SLC16A1: variants seen among roughly 807,000 people sequenced by gnomAD.
The protein encoded by SLC16A1 is solute carrier family 16 member 1.
A neutral mutation model predicts 32.2 loss-of-function variants in SLC16A1; 11 were observed. That is an observed-to-expected ratio of 0.34 (90% CI 0.21 to 0.56). The LOEUF is 0.56. Among genes scored for constraint, SLC16A1 ranks in the 20% least tolerant of loss-of-function variants. The pLI is 0.87. For missense variants in SLC16A1, 435 were observed against 615.0 expected, an observed-to-expected ratio of 0.71 and a Z score of 3.10; for synonymous variants, 231 against 226.8, an observed-to-expected ratio of 1.02 and a Z score of -0.17.
intron 1 of SLC16A1, among the ~76,000 whole-genome samples, chr1:112,944,287 C>CA (rs374771595): frequency 2.1e-3 from 321 of 152,076 alleles, no homozygotes; most frequent in African/African-American, 7.4e-3. Flanking sequence ...CCTGTCTCTA[C>CA]AAAAAATACA....
At chr1:112,949,344 C>T (rs1463986525) in intron 1 of SLC16A1, among the ~76,000 whole-genome samples, 1 of 152,008 alleles carries the variant, frequency 6.6e-6, no homozygotes, top group Non-Finnish European at 1.5e-5. Context: ...CCACTGTGCC[C>T]GGCCTCAAAG....
chr1:112,915,714 G>A (rs1285264812), intron 4 of SLC16A1, among the ~76,000 whole-genome samples: 5 of 152,054 alleles, frequency 3.3e-5, no homozygotes, highest in Non-Finnish European at 5.9e-5. Flanking sequence ...ATGGGCAGAT[G>A]AGAACAAGAT....
chr1:112,924,280 T>C (rs1648853997), intron 2 of SLC16A1: 1 of 1,449,600 alleles, frequency 6.9e-7, no homozygotes, highest in Non-Finnish European at 9.7e-7. Flanking sequence ...GAGCCAGATG[T>C]TGTGGAGGCC....
chr1:112,913,801 T>C lies in SLC16A1; in HGVS notation c.*90A>G. ...TCCACACAAATGTCTACTATTTGCATTGAGCACCACTGGTAGATTACAGGC... is the reference window on the plus strand; with the variant it reads ...TCCACACAAATGTCTACTATTTGCACTGAGCACCACTGGTAGATTACAGGC... On this transcript the variant is annotated 3_prime_UTR_variant, in exon 5 of 5. Coordinates refer to ENST00000369626, the MANE Select transcript of SLC16A1 (RefSeq NM_003051.4). The C allele has an allele frequency of 1.4e-6, 2 of 1,472,806 alleles. No individual in the cohort carries two copies. The highest frequency in any genetic ancestry group is 1.4e-5 in the African/African-American group (1 of 71,992). 91.2% of individuals were successfully genotyped at this position (1,472,806 alleles called of 1,614,324 possible). A position where few individuals can be genotyped will look rare whatever the true frequency, so the allele number is the denominator to read the frequency against.
intron 1 of SLC16A1, among the ~76,000 whole-genome samples, chr1:112,941,543 A>G (rs1366523960): frequency 3.9e-5 from 6 of 152,186 alleles, no homozygotes; most frequent in Admixed American, 6.5e-5. Flanking sequence ...TTGGCCTCCC[A>G]AAGTGCTGGG....
At chr1:112,924,907 T>C (rs1648884533) in intron 2 of SLC16A1, among the ~76,000 whole-genome samples, 1 of 152,072 alleles carries the variant, frequency 6.6e-6, no homozygotes, top group Admixed American at 6.6e-5. Context: ...CACCCAAATA[T>C]ATCCTTCAGA....
At chr1:112,934,406 G>A (rs1649230322) in intron 1 of SLC16A1, among the ~76,000 whole-genome samples, 1 of 152,198 alleles carries the variant, frequency 6.6e-6, no homozygotes, top group Admixed American at 6.5e-5. Context: ...TTGGGGAGAG[G>A]AGACTGACTG....
rs770356494 is a variant in SLC16A1 at position 112,929,352 on chromosome 1, T to C, written c.-44A>G. 1.3e-6 allele frequency: 2 copies of C among 1,497,126 alleles called. No individual in the cohort carries two copies. The highest frequency in any genetic ancestry group is 1.9e-6 in the Non-Finnish European group (2 of 1,077,282). 92.7% of individuals were successfully genotyped at this position (1,497,126 alleles called of 1,614,324 possible). ...CCAAAATGCAGGTCAAATCCAAATA[T>C]CTGAAAGACATAAAATTAAAATAGT... On this transcript the variant is annotated splice_region_variant and 5_prime_UTR_variant, in exon 2 of 5. Coordinates refer to ENST00000369626, the MANE Select transcript of SLC16A1 (RefSeq NM_003051.4).
chr1:112,935,242 C>T (rs1256861920), intron 1 of SLC16A1, among the ~76,000 whole-genome samples: 4 of 151,630 alleles, frequency 2.6e-5, no homozygotes, highest in African/African-American at 7.3e-5. Flanking sequence ...TGGTGAAACC[C>T]CATCTCTACT....
intron 2 of SLC16A1, among the ~76,000 whole-genome samples, chr1:112,925,793 T>A (rs1648918660): frequency 6.6e-6 from 1 of 152,220 alleles, no homozygotes; most frequent in South Asian, 2.1e-4. Flanking sequence ...TAAAAACACA[T>A]ATTGAATGTA....
Position 112,917,593 on chromosome 1 carries a change from C to T in SLC16A1, c.813G>A (p.Val271=). ...GTGCAAAGAGTCCAAAAAACATGAT[C>T]ACATTTCCAGAGAGGTATAGCAAAA... ...RGFLLYLSGN[V]IMFFGLFAPL... Residue 271 remains valine (V), a synonymous_variant, in exon 4 of 5, where the codon GTG becomes GTA. Coordinates refer to ENST00000369626, the MANE Select transcript of SLC16A1 (RefSeq NM_003051.4). The surrounding 1 kb of genome is among the most constrained non-coding windows in gnomAD (Gnocchi z 4.1). 6.2e-7 allele frequency: 1 copy of T among 1,614,170 alleles called. No individual in the cohort carries two copies. Among genetic ancestry groups the T allele is most frequent in the South Asian group, 1.1e-5 (1 of 91,070 alleles).
intron 1 of SLC16A1, among the ~76,000 whole-genome samples, chr1:112,939,189 C>A (rs1649419123): frequency 6.6e-6 from 1 of 152,098 alleles, no homozygotes; most frequent in African/African-American, 2.4e-5. Context: ...CCGTGCCCGG[C>A]CAACGTATTT....
At chr1:112,945,718 T>G (rs979201743) in intron 1 of SLC16A1, among the ~76,000 whole-genome samples, 1 of 143,314 alleles carries the variant, frequency 7.0e-6, no homozygotes, top group African/African-American at 2.6e-5. Context: ...GTTGTCCAGG[T>G]GCGGTGGCTC....
chr1:112,919,069 C>T (rs112416573), intron 3 of SLC16A1, among the ~76,000 whole-genome samples: 3 of 138,910 alleles, frequency 2.2e-5, no homozygotes, highest in South Asian at 2.2e-4. Flanking sequence ...CTTGCTCTGC[C>T]GCCCAGGCTG....
Position 112,913,694 on chromosome 1 carries a change from G to T in SLC16A1, c.*197C>A. On this transcript the variant is annotated 3_prime_UTR_variant, in exon 5 of 5. Transcript: ENST00000369626. ...AACCTACTTCTTTCCCCCATCCTTT[G>T]CTACCAATCATTCCCTCCTCAAATT... 1.6e-6 allele frequency: 1 copy of T among 639,980 alleles called. No individual in the cohort carries two copies. Among genetic ancestry groups the T allele is most frequent in the Non-Finnish European group, 2.8e-6 (1 of 362,906 alleles). The allele number at this position is 639,980 out of a possible 1,614,324, so 39.6% of individuals were successfully genotyped here.
chr1:112,916,007 T>C (rs1339404390), intron 4 of SLC16A1, among the ~76,000 whole-genome samples: 2 of 152,184 alleles, frequency 1.3e-5, no homozygotes, highest in Non-Finnish European at 2.9e-5. Flanking sequence ...CCAAGTTATT[T>C]CACCTTTTGA....
At position 112,929,267 on chromosome 1, in the gene SLC16A1, T is replaced by TG. The variant is rs606231309; in HGVS notation, c.41dup (p.Asp15ArgfsTer34). ...CCACTGCCCAGCCCCAGCCTCCATC[T>TG]GGGGGGGTGTATCCAACTGGACCTC... On this transcript the variant is annotated frameshift_variant, in exon 2 of 5. Transcript: ENST00000369626. LOFTEE classifies it high-confidence loss of function. 1.4e-5 allele frequency: 23 copies of TG among 1,613,728 alleles called. No individual in the cohort carries two copies. The highest frequency in any genetic ancestry group is 1.3e-5 in the African/African-American group (1 of 74,886).
chr1:112,924,295 A>G, intron 2 of SLC16A1: 1 of 1,423,604 alleles, frequency 7.0e-7, no homozygotes, highest in South Asian at 1.1e-5. Flanking sequence ...GAGGCCTTTA[A>G]TCAAGCCTGG....
At chr1:112,916,447 G>A (rs1206485013) in intron 4 of SLC16A1, among the ~76,000 whole-genome samples, 3 of 139,736 alleles carry the variant, frequency 2.1e-5, no homozygotes, top group South Asian at 2.3e-4. Flanking sequence ...GCAGTGAGCC[G>A]AGATCGCGCC....
Sources: allele counts gnomAD v4.1 joint callset (sites outside exome capture counted in the v4.1 genomes callset), GRCh38; gene constraint gnomAD v4.1.1; non-coding constraint Gnocchi (gnomAD v3.1); transcripts MANE v1.5; gene names NCBI Gene and HGNC (gene_info 2026-07-23, HGNC 2026-07-21).